Variants in DEUP1 observed in about 807,000 individuals in gnomAD.
The protein encoded by DEUP1 is deuterosome assembly protein 1, also known as coiled-coil domain containing 67.
A neutral mutation model predicts 87.4 loss-of-function variants in DEUP1; 82 were observed. That is an observed-to-expected ratio of 0.94 (90% CI 0.78 to 1.13). DEUP1 has a LOEUF of 1.13. Ranked by LOEUF, DEUP1 falls within the 50% of genes most tolerant of loss-of-function variation. DEUP1 has a pLI of 0.00. For synonymous variants in DEUP1, 214 were observed against 222.7 expected (o/e 0.96, Z 0.35); for missense variants, 663 against 681.5 (o/e 0.97, Z 0.30).
chr11:93,330,292 C>G (rs1048503223), upstream of DEUP1: 3 of 152,244 alleles, frequency 2.0e-5, no homozygotes, highest in African/African-American at 7.2e-5. Flanking sequence ...TGATGAACTC[C>G]CCAGCGGTTT....
chr11:93,368,118 TG>T (rs749222668), intron 5 of DEUP1, among the ~76,000 whole-genome samples: 1 of 152,224 alleles, frequency 6.6e-6, no homozygotes, highest in Non-Finnish European at 1.5e-5. Flanking sequence ...CTGCACTACT[TG>T]AGCAAAAACT....
At chr11:93,336,443 A>T (rs1943771961) in intron 2 of DEUP1, among the ~76,000 whole-genome samples, 1 of 152,200 alleles carries the variant, frequency 6.6e-6, no homozygotes, top group Middle Eastern at 3.2e-3. Flanking sequence ...TTTACTCCAT[A>T]GTCATCAGAC....
intron 12 of DEUP1, among the ~76,000 whole-genome samples, chr11:93,408,948 C>G (rs1947357733): frequency 6.6e-6 from 1 of 151,150 alleles, no homozygotes; most frequent in Non-Finnish European, 1.5e-5. Context: ...CCTCTGCCTC[C>G]TGGGTTCAAG....
At chr11:93,337,646 G>C (rs1376309533) in intron 2 of DEUP1, among the ~76,000 whole-genome samples, 1 of 152,138 alleles carries the variant, frequency 6.6e-6, no homozygotes, top group Non-Finnish European at 1.5e-5. Flanking sequence ...ATCCTGACAT[G>C]TCAAACTTGA....
chr11:93,356,867 T>C, intron 3 of DEUP1, 81 bp from the exon 4 acceptor site: 1 of 833,280 alleles, frequency 1.2e-6, no homozygotes. Flanking sequence ...TTTATTTGAA[T>C]TGTTCTTCTC....
chr11:93,417,043 G>C (rs1014263058), intron 13 of DEUP1, among the ~76,000 whole-genome samples: 1 of 150,842 alleles, frequency 6.6e-6, no homozygotes, highest in African/African-American at 2.4e-5. Flanking sequence ...AATAATAAGA[G>C]CTATCTATGA....
At chr11:93,391,674 C>G (rs886798646) in intron 9 of DEUP1, among the ~76,000 whole-genome samples, 1 of 145,002 alleles carries the variant, frequency 6.9e-6, no homozygotes, top group Non-Finnish European at 1.5e-5. Context: ...TGCCACTGCA[C>G]TCCAGCCTGG....
At chr11:93,339,285 G>A (rs1039900858) in intron 2 of DEUP1, among the ~76,000 whole-genome samples, 1 of 152,180 alleles carries the variant, frequency 6.6e-6, no homozygotes, top group African/African-American at 2.4e-5. Context: ...TAGTGCCGTG[G>A]AGTAACTATA....
intron 13 of DEUP1, among the ~76,000 whole-genome samples, chr11:93,418,126 G>C (rs1947713615): frequency 6.6e-6 from 1 of 152,118 alleles, no homozygotes; most frequent in African/African-American, 2.4e-5. Context: ...CACGGGCAAG[G>C]ACTTCATGTC....
rs202207421 is a variant in DEUP1, at chr11:93,394,638, A to G, written c.1221A>G (p.Lys407=). Residue 407 remains lysine, a synonymous_variant, in exon 10 of 14, where the codon AAA becomes AAG. Coordinates refer to ENST00000298050, the MANE Select transcript of DEUP1 (RefSeq NM_181645.4). ...QLKMELEIKE[K]MLAKQKVSDM... ...AAATGGAATTAGAAATAAAAGAAAA[A>G]ATGTTAGCAAAACAAAAGGTATGCA... 6.2e-7 allele frequency: 1 copy of G among 1,610,570 alleles called. No individual in the cohort carries two copies. The highest frequency in any genetic ancestry group is 8.5e-7 in the Non-Finnish European group (1 of 1,178,728).
intron 3 of DEUP1, among the ~76,000 whole-genome samples, chr11:93,355,884 A>G (rs1944870804): frequency 6.6e-6 from 1 of 152,226 alleles, no homozygotes; most frequent in Non-Finnish European, 1.5e-5. Context: ...AAAACTGTGG[A>G]CAAGGCAGAG....
intron 4 of DEUP1, among the ~76,000 whole-genome samples, chr11:93,363,893 A>C (rs761253626): frequency 4.5e-4 from 68 of 152,084 alleles, no homozygotes; most frequent in Middle Eastern, 3.4e-3. Flanking sequence ...TGATTAAAAC[A>C]AAATTGAACA....
At chr11:93,417,752 G>T (rs1439468780) in intron 13 of DEUP1, among the ~76,000 whole-genome samples, 1 of 150,988 alleles carries the variant, frequency 6.6e-6, no homozygotes, top group African/African-American at 2.5e-5. Context: ...AACAAAGCTG[G>T]AGGCATCATG....
At chr11:93,419,697 C>G (rs1272192025) in intron 13 of DEUP1, among the ~76,000 whole-genome samples, 1 of 151,876 alleles carries the variant, frequency 6.6e-6, no homozygotes, top group Admixed American at 6.6e-5. Flanking sequence ...TAAAGTTTTT[C>G]AAGAACTGCA....
At chr11:93,361,631 C>T (rs1945182186) in intron 4 of DEUP1, among the ~76,000 whole-genome samples, 1 of 151,898 alleles carries the variant, frequency 6.6e-6, no homozygotes, top group African/African-American at 2.4e-5. Flanking sequence ...AAAAGATCTA[C>T]AAAGAGATAT....
chr11:93,389,710 G>T (rs1946709000), intron 9 of DEUP1, among the ~76,000 whole-genome samples: 1 of 152,214 alleles, frequency 6.6e-6, no homozygotes, highest in African/African-American at 2.4e-5. Context: ...ACATTACACA[G>T]CTATTAAGTG....
chr11:93,397,463 G>A (rs955265150), intron 11 of DEUP1, among the ~76,000 whole-genome samples: 11 of 152,094 alleles, frequency 7.2e-5, no homozygotes, highest in Middle Eastern at 3.4e-3. Flanking sequence ...TCCTGCCTCC[G>A]TGAGTGCTTT....
chr11:93,331,870 C>T (rs969007931), intron 1 of DEUP1, among the ~76,000 whole-genome samples: 5 of 152,154 alleles, frequency 3.3e-5, no homozygotes, highest in South Asian at 2.1e-4. Context: ...CATGCGAAAC[C>T]CCGTCCCTAC....
At chr11:93,356,734 G>A (rs570617295) in intron 3 of DEUP1, among the ~76,000 whole-genome samples, 7 of 152,214 alleles carry the variant, frequency 4.6e-5, no homozygotes, top group East Asian at 1.9e-4. Context: ...TTAAACATCC[G>A]TACTGTCCTA....
Sources: allele counts gnomAD v4.1 joint callset (sites outside exome capture counted in the v4.1 genomes callset), GRCh38; gene constraint gnomAD v4.1.1; transcripts MANE v1.5; gene names NCBI Gene and HGNC (gene_info 2026-07-23, HGNC 2026-07-21).